The following TP63 variants were observed in gnomAD, a reference collection of about 807,000 sequenced individuals.
TP63 encodes tumor protein 63.
A neutral mutation model predicts 82.8 loss-of-function variants in TP63; 17 were observed. The ratio of observed to expected loss-of-function variants is 0.21; its 90% CI spans 0.14 to 0.31. The LOEUF (loss-of-function observed/expected upper bound fraction) is 0.31. Among genes scored for constraint, TP63 ranks in the 10% least tolerant of loss-of-function variants. TP63 has a pLI of 1.00. For synonymous variants in TP63, 330 were observed against 321.7 expected (o/e 1.03, Z -0.28); for missense variants, 648 against 895.3 (o/e 0.72, Z 3.52).
chr3:189,839,181 T>A (rs2108734846), intron 4 of TP63, among the ~76,000 whole-genome samples: 1 of 152,194 alleles, frequency 6.6e-6, no homozygotes, highest in South Asian at 2.1e-4. Context: ...CACCTGGGCA[T>A]CCATTTCTCT....
intron 1 of TP63, among the ~76,000 whole-genome samples, chr3:189,730,014 G>C (rs1720046216): frequency 6.6e-6 from 1 of 152,180 alleles, no homozygotes; most frequent in Non-Finnish European, 1.5e-5. Context: ...GAATTGTGTG[G>C]TCAGGAATGC....
intron 3 of TP63, among the ~76,000 whole-genome samples, chr3:189,766,576 C>T (rs368607968): frequency 1.1e-3 from 165 of 152,310 alleles, no homozygotes; most frequent in African/African-American, 3.8e-3. Flanking sequence ...CTGTCTTCCT[C>T]GCAAGCCCTG....
chr3:189,690,963 C>T (rs1487802637), intron 1 of TP63, among the ~76,000 whole-genome samples: 1 of 152,100 alleles, frequency 6.6e-6, no homozygotes, highest in African/African-American at 2.4e-5. Flanking sequence ...ACTGCTCCAC[C>T]AGAACAAGCA....
At chr3:189,712,435 G>A (rs1553818727) in intron 1 of TP63, among the ~76,000 whole-genome samples, 1 of 152,264 alleles carries the variant, frequency 6.6e-6, no homozygotes, top group Non-Finnish European at 1.5e-5. Flanking sequence ...CATGGTCCTG[G>A]AGGCTGGAAA....
intron 4 of TP63, among the ~76,000 whole-genome samples, chr3:189,838,661 T>C (rs1211091740): frequency 2.6e-5 from 4 of 151,972 alleles, no homozygotes; most frequent in African/African-American, 9.7e-5. Context: ...ACGATGGAAA[T>C]AGATGTCTCA....
chr3:189,808,579 T>C, intron 4 of TP63, 53 bp downstream of exon 4: 1 of 1,608,546 alleles, frequency 6.2e-7, no homozygotes, highest in African/African-American at 1.3e-5. Flanking sequence ...AGGATGGGCT[T>C]CACCACGTCC....
intron 11 of TP63, among the ~76,000 whole-genome samples, chr3:189,887,238 G>C (rs2108856287): frequency 6.6e-6 from 1 of 151,000 alleles, no homozygotes; most frequent in East Asian, 1.9e-4. Context: ...TAGAAAAGTA[G>C]ATTATCGTCT....
chr3:189,880,934 A>G (rs2108842172), intron 10 of TP63: 7 of 985,440 alleles, frequency 7.1e-6, no homozygotes, highest in Non-Finnish European at 8.4e-6. Flanking sequence ...ACCTACTACA[A>G]AAAAACTGTT....
chr3:189,871,329 T>G (rs1194252619), intron 9 of TP63, among the ~76,000 whole-genome samples: 1 of 152,144 alleles, frequency 6.6e-6, no homozygotes, highest in East Asian at 1.9e-4. Context: ...TCAACTACCT[T>G]GCCTTCTATT....
intron 1 of TP63, among the ~76,000 whole-genome samples, chr3:189,736,945 C>T (rs1223234524): frequency 1.3e-5 from 2 of 152,024 alleles, no homozygotes; most frequent in Non-Finnish European, 2.9e-5. Context: ...AATATTTAGA[C>T]TTGGAGAACG....
At chr3:189,686,588 GAATAAATAAATA>G (rs369758977) in intron 1 of TP63, among the ~76,000 whole-genome samples, 1 of 147,084 alleles carries the variant, frequency 6.8e-6, no homozygotes. Context: ...AGTGGAAAAA[GAATAAATAAATA>G]AATAAATAAA....
the TP63 span, among the ~76,000 whole-genome samples, chr3:189,626,327 T>C: frequency 6.6e-6 from 1 of 152,122 alleles, no homozygotes; most frequent in Admixed American, 6.6e-5. Context: ...CCAAACTCAG[T>C]CTCTTCAATT....
At chr3:189,879,389 TG>T (rs1719655357) in intron 10 of TP63, among the ~76,000 whole-genome samples, 1 of 152,194 alleles carries the variant, frequency 6.6e-6, no homozygotes. Flanking sequence ...ATTGCTTTCT[TG>T]GGTTTGATAT....
chr3:189,875,189 A>G (rs1718900200), intron 10 of TP63, among the ~76,000 whole-genome samples: 1 of 151,962 alleles, frequency 6.6e-6, no homozygotes, highest in Non-Finnish European at 1.5e-5. Context: ...CCATAAATGG[A>G]ACTTTATGGA....
chr3:189,602,587 A>T, the TP63 span, among the ~76,000 whole-genome samples: 2 of 152,208 alleles, frequency 1.3e-5, no homozygotes, highest in Admixed American at 6.5e-5. Flanking sequence ...AGTTATAATT[A>T]AAGTATAATA....
intron 10 of TP63, chr3:189,881,575 T>G: frequency 1.1e-6 from 1 of 940,182 alleles, no homozygotes; most frequent in Non-Finnish European, 1.3e-6. Context: ...GTGCTTGAAG[T>G]AGCATGTGTA....
intron 4 of TP63, among the ~76,000 whole-genome samples, chr3:189,863,257 C>T (rs1717263140): frequency 6.6e-6 from 1 of 152,136 alleles, no homozygotes. Context: ...GGGTGGTTTG[C>T]CTGAGCAAAG....
chr3:189,661,092 G>T (rs2178412), intron 1 of TP63, among the ~76,000 whole-genome samples: 52 of 151,840 alleles, frequency 3.4e-4, no homozygotes, highest in African/African-American at 1.2e-3. Context: ...GCTCTTGCTG[G>T]GACTGCCAGT....
chr3:189,739,945 T>C (rs984320085), intron 3 of TP63, among the ~76,000 whole-genome samples: 1 of 152,150 alleles, frequency 6.6e-6, no homozygotes, highest in Non-Finnish European at 1.5e-5. Context: ...CTTACCTTGT[T>C]TGATATGTTT....
Sources: gnomAD v4.1 joint callset for allele counts (sites outside exome capture counted in the v4.1 genomes callset) on GRCh38, gnomAD v4.1.1 for gene constraint, MANE v1.5 for transcripts, NCBI Gene and HGNC (gene_info 2026-07-23, HGNC 2026-07-21) for gene names.